The following CARD8 variants were observed in gnomAD, a reference collection of about 807,000 sequenced individuals.
CARD8 encodes caspase recruitment domain-containing protein 8.
In CARD8, 38 loss-of-function variants were observed where a neutral mutation model predicts 53.2. That is an observed-to-expected ratio of 0.71 (90% confidence interval 0.55 to 0.94). CARD8 has a LOEUF of 0.94. Ranked by LOEUF, CARD8 falls within the 40% of genes least tolerant of loss-of-function variation. The pLI, the probability that CARD8 is intolerant of heterozygous loss-of-function variation, is 0.00. For synonymous variants in CARD8, 245 were observed against 244.9 expected (o/e 1.00, Z 0.00); for missense variants, 561 against 655.5 (o/e 0.86, Z 1.57).
intron 12 of CARD8, among the ~76,000 whole-genome samples, chr19:48,217,546 A>G (rs977137276): frequency 3.9e-5 from 6 of 152,172 alleles, no homozygotes; most frequent in African/African-American, 1.4e-4. Context: ...TTTGTTCAAG[A>G]GACTTGTTTT....
Position 48,211,569 on chromosome 19 carries a change from A to C in CARD8, c.*141T>G. The C allele has an allele frequency of 1.3e-6, 1 of 766,054 alleles. No homozygotes were observed. The allele number at this position is 766,054 out of a possible 1,614,324, so 47.5% of individuals were successfully genotyped here. On this transcript the variant is annotated 3_prime_UTR_variant, in exon 14 of 14. Coordinates refer to ENST00000651546, the MANE Select transcript of CARD8 (RefSeq NM_001184900.3). ...GTCAATAGGTACATGCCAGGTTACAAGTCTGTCCTGAAAGCCTGTGTGATA... is the reference window on the plus strand; with the variant it reads ...GTCAATAGGTACATGCCAGGTTACACGTCTGTCCTGAAAGCCTGTGTGATA...
intron 5 of CARD8, 81 bp from the exon 6 acceptor site, chr19:48,234,624 T>C (rs2043538158): frequency 1.6e-6 from 2 of 1,285,768 alleles, no homozygotes; most frequent in Non-Finnish European, 2.2e-6. Context: ...GAAGATTTTA[T>C]GTTAATAGCC....
rs372997310 is a variant in CARD8 at position 48,215,368 on chromosome 19, T to C, written c.1320A>G (p.Val440=). ...TEVKPVDLQL[V]AASAPPPFSG... ...AGAAAGGAGGAGGGGCTGATGCAGC[T>C]ACAAGCTGGAGATCCACTACAAAAG... Residue 440 remains valine (V), a synonymous_variant, in exon 13 of 14, where the codon GTA becomes GTG. Coordinates refer to ENST00000651546, the MANE Select transcript of CARD8 (RefSeq NM_001184900.3). 6.2e-7 allele frequency: 1 copy of C among 1,611,224 alleles called. No individual in the cohort carries two copies. The highest frequency in any genetic ancestry group is 8.5e-7 in the Non-Finnish European group (1 of 1,177,570).
intron 13 of CARD8, among the ~76,000 whole-genome samples, chr19:48,213,973 C>G (rs1344678564): frequency 6.6e-6 from 1 of 152,234 alleles, no homozygotes; most frequent in East Asian, 1.9e-4. Context: ...CACCTTTACT[C>G]TGTCCCTCTA....
rs1302260638 is a variant in CARD8, at chr19:48,211,164, T to C, written c.*546A>G. On this transcript the variant is annotated 3_prime_UTR_variant, in exon 14 of 14. Coordinates refer to ENST00000651546, the MANE Select transcript of CARD8 (RefSeq NM_001184900.3). ...CATTTTTGTGCTCTCTTTCAGCAAA[T>C]ACATTTACATTGTTCTAATAACAGT... is the stretch of plus-strand genomic sequence containing the variant. 1 of 152,302 alleles carries C rather than the reference T, an allele frequency of 6.6e-6. No individual in the cohort carries two copies. Among genetic ancestry groups the C allele is most frequent in the Non-Finnish European group, 1.5e-5 (1 of 68,110 alleles). 9.4% of individuals were successfully genotyped at this position (152,302 alleles called of 1,614,324 possible). A position where few individuals can be genotyped will look rare whatever the true frequency, so the allele number is the denominator to read the frequency against.
chr19:48,230,804 G>A lies in CARD8; in HGVS notation c.745C>T (p.His249Tyr), dbSNP rs372985137. 2.5e-6 allele frequency: 4 copies of A among 1,614,070 alleles called. No homozygotes were observed. In the African/African-American group the frequency reaches 5.3e-5, roughly 22 times the overall value. Residue 249 changes from histidine to tyrosine, a missense_variant, in exon 9 of 14, where the codon CAC becomes TAC. His to Tyr is a moderately conservative substitution (Grantham distance 83, BLOSUM62 2). Coordinates refer to ENST00000651546, the MANE Select transcript of CARD8 (RefSeq NM_001184900.3). ...AEPEEAVAEIHLPHFISLQAG... is the reference protein window; with the variant it reads ...AEPEEAVAEIYLPHFISLQAG... ...TGGAGGGAGATGAAGTGGGGGAGGT[G>A]GATTTCGGCGACAGCCTCCTCTGGC...
In CARD8 at chr19:48,233,663, C is replaced by A. The variant is rs528298895; in HGVS notation, c.350+740G>T. 1.9e-4 allele frequency: 51 copies of A among 271,004 alleles called. 1 individual carries two copies. Among genetic ancestry groups the A allele is most frequent in the Middle Eastern group, 2.7e-3 (2 of 736 alleles). 16.8% of individuals were successfully genotyped at this position (271,004 alleles called of 1,614,324 possible). A position where few individuals can be genotyped will look rare whatever the true frequency, so the allele number is the denominator to read the frequency against. On this transcript the variant is annotated intron_variant, in intron 6 of 13. Transcript: ENST00000651546. ...GGTTTAGAAAGTGGGAGGAACCCAG[C>A]GCTGAACTGCAGACAGCGCATCCCA...
At chr19:48,224,085 C>A (rs1197930281) in intron 10 of CARD8, among the ~76,000 whole-genome samples, 1 of 152,158 alleles carries the variant, frequency 6.6e-6, no homozygotes, top group Non-Finnish European at 1.5e-5. Context: ...CCTCAGCCTC[C>A]TGAGTAGCTG....
intron 11 of CARD8, among the ~76,000 whole-genome samples, chr19:48,220,036 T>C (rs574564583): frequency 6.6e-6 from 1 of 152,206 alleles, no homozygotes; most frequent in East Asian, 1.9e-4. Flanking sequence ...TGTTGTATCA[T>C]TCTGGATGAA....
intron 10 of CARD8, among the ~76,000 whole-genome samples, chr19:48,226,367 G>A (rs1030154079): frequency 6.6e-6 from 1 of 152,098 alleles, no homozygotes; most frequent in African/African-American, 2.4e-5. Flanking sequence ...GGGATTACAG[G>A]CATGTGCCAT....
At chr19:48,217,097 T>C (rs1261946502) in intron 12 of CARD8, among the ~76,000 whole-genome samples, 1 of 151,888 alleles carries the variant, frequency 6.6e-6, no homozygotes, top group African/African-American at 2.4e-5. Context: ...GAGAATGTAA[T>C]GCCACCACTG....
chr19:48,248,764 C>T (rs1313662516), intron 3 of CARD8, among the ~76,000 whole-genome samples: 1 of 152,156 alleles, frequency 6.6e-6, no homozygotes, highest in African/African-American at 2.4e-5. Context: ...TTATGGTTTG[C>T]TATCAGAAAA....
chr19:48,253,631 G>T (rs1000098382), intron 1 of CARD8, among the ~76,000 whole-genome samples: 2 of 152,252 alleles, frequency 1.3e-5, no homozygotes, highest in Admixed American at 1.3e-4. Context: ...GTGTAAAAAT[G>T]TAATCAATGG....
downstream of CARD8, among the ~76,000 whole-genome samples, chr19:48,205,376 C>T (rs908096271): frequency 4.0e-5 from 6 of 151,562 alleles, no homozygotes; most frequent in South Asian, 6.3e-4. Context: ...ATTACAGGTG[C>T]GCACCACCAC....
At chr19:48,233,155 G>A (rs566695926) in intron 6 of CARD8, 6 of 354,672 alleles carry the variant, frequency 1.7e-5, no homozygotes, top group South Asian at 8.7e-5. Context: ...AAGCATCGGC[G>A]CTTTCAAAGC....
chr19:48,247,914 T>C (rs1431716621), intron 3 of CARD8, among the ~76,000 whole-genome samples: 1 of 151,210 alleles, frequency 6.6e-6, no homozygotes, highest in Admixed American at 6.6e-5. Context: ...GTATTCTCAA[T>C]TGAAATTTCA....
At chr19:48,221,370 T>C (rs2040591462) in intron 11 of CARD8, among the ~76,000 whole-genome samples, 1 of 152,182 alleles carries the variant, frequency 6.6e-6, no homozygotes, top group African/African-American at 2.4e-5. Context: ...AAATGAAATA[T>C]ATAACATAAA....
At chr19:48,222,918 A>G (rs78213231) in intron 10 of CARD8, among the ~76,000 whole-genome samples, 6,007 of 152,236 alleles carry the variant, frequency 0.039, 381 homozygotes, top group African/African-American at 0.13. Context: ...ACTTTGGGGA[A>G]GCTGGTGATG....
chr19:48,248,737 AT>A (rs1448128633), intron 3 of CARD8, among the ~76,000 whole-genome samples: 2 of 152,278 alleles, frequency 1.3e-5, no homozygotes, highest in Non-Finnish European at 2.9e-5. Flanking sequence ...GAAAATGCAT[AT>A]AAAAAGTCCA....
Sources: gnomAD v4.1 joint callset for allele counts (sites outside exome capture counted in the v4.1 genomes callset) on GRCh38, gnomAD v4.1.1 for gene constraint, MANE v1.5 for transcripts, NCBI Gene and HGNC (gene_info 2026-07-23, HGNC 2026-07-21) for gene names.